Variants in ADAMTS6 observed in about 807,000 individuals in gnomAD.
The protein encoded by ADAMTS6 is ADAM metallopeptidase with thrombospondin type 1 motif 6.
Under a neutral mutation model 144.3 loss-of-function variants are expected in ADAMTS6, and 23 were observed. The observed-to-expected ratio is 0.16, with a 90% CI of 0.11 to 0.23. The LOEUF is 0.23. Ranked by LOEUF, ADAMTS6 falls within the 10% of genes least tolerant of loss-of-function variation. The pLI is 1.00. For missense variants in ADAMTS6, 999 were observed against 1,379.6 expected (o/e 0.72, Z 4.37); for synonymous variants, 444 against 457.5 (o/e 0.97, Z 0.38).
chr5:65,317,967 C>T (rs1745174511), intron 9 of ADAMTS6, among the ~76,000 whole-genome samples: 2 of 149,706 alleles, frequency 1.3e-5, no homozygotes, highest in Admixed American at 1.3e-4. Context: ...CCCAGCTACT[C>T]AGGAGGCTGA....
intron 7 of ADAMTS6, among the ~76,000 whole-genome samples, chr5:65,370,508 G>A (rs891991745): frequency 6.6e-6 from 1 of 152,202 alleles, no homozygotes; most frequent in Non-Finnish European, 1.5e-5. Flanking sequence ...CAAAGAAAGG[G>A]GTGACAGATG....
intron 9 of ADAMTS6, among the ~76,000 whole-genome samples, chr5:65,318,100 T>C (rs912328940): frequency 2.8e-5 from 4 of 145,342 alleles, no homozygotes; most frequent in African/African-American, 7.6e-5. Flanking sequence ...AAAGAAGATA[T>C]ACAAATGGCA....
intron 18 of ADAMTS6, among the ~76,000 whole-genome samples, chr5:65,223,861 A>G (rs1757512243): frequency 6.7e-6 from 1 of 149,262 alleles, no homozygotes; most frequent in South Asian, 2.1e-4. Context: ...GTGCAGTGGC[A>G]GGATCTCCAC....
At chr5:65,318,790 T>C (rs1745261764) in intron 9 of ADAMTS6, among the ~76,000 whole-genome samples, 1 of 152,038 alleles carries the variant, frequency 6.6e-6, no homozygotes, top group Non-Finnish European at 1.5e-5. Flanking sequence ...ACCAAAAAAA[T>C]AGAATGAACA....
chr5:65,452,566 C>G, intron 5 of ADAMTS6, 141 bp downstream of exon 5: 2 of 751,090 alleles, frequency 2.7e-6, no homozygotes, highest in Non-Finnish European at 4.1e-6. Context: ...TTTTATGGAA[C>G]TGAAACATTA....
At chr5:65,155,008 C>T (rs1034736121) in intron 24 of ADAMTS6, among the ~76,000 whole-genome samples, 1 of 152,110 alleles carries the variant, frequency 6.6e-6, no homozygotes, top group Non-Finnish European at 1.5e-5. Context: ...GATTCCTAGG[C>T]TGTATGGAAG....
chr5:65,282,573 G>A (rs1227419129), intron 11 of ADAMTS6, among the ~76,000 whole-genome samples: 1 of 152,040 alleles, frequency 6.6e-6, no homozygotes, highest in Non-Finnish European at 1.5e-5. Context: ...CAGCTCTACA[G>A]GGCCGCTTCA....
At chr5:65,223,361 T>G (rs1373665133) in intron 18 of ADAMTS6, among the ~76,000 whole-genome samples, 1 of 152,220 alleles carries the variant, frequency 6.6e-6, no homozygotes, top group Non-Finnish European at 1.5e-5. Flanking sequence ...AGATCTATTC[T>G]CTTAACAAAT....
At chr5:65,381,361 A>G (rs895808601) in intron 7 of ADAMTS6, among the ~76,000 whole-genome samples, 23 of 149,626 alleles carry the variant, frequency 1.5e-4, no homozygotes, top group African/African-American at 5.2e-4. Context: ...ATGAAGGATT[A>G]TATCTTTTTT....
chr5:65,346,521 A>G (rs1455008642), intron 7 of ADAMTS6, among the ~76,000 whole-genome samples: 1 of 151,888 alleles, frequency 6.6e-6, no homozygotes. Context: ...AGCTAACATC[A>G]TACTGAATAA....
intron 11 of ADAMTS6, among the ~76,000 whole-genome samples, chr5:65,289,329 G>A (rs1456518819): frequency 6.6e-6 from 1 of 152,208 alleles, no homozygotes; most frequent in African/African-American, 2.4e-5. Flanking sequence ...GAGGTCAGGA[G>A]TTCAAGACCA....
At chr5:65,411,833 C>G (rs946076210) in intron 7 of ADAMTS6, among the ~76,000 whole-genome samples, 1 of 152,140 alleles carries the variant, frequency 6.6e-6, no homozygotes, top group Non-Finnish European at 1.5e-5. Context: ...AACTAAACTT[C>G]TAGAGTGCTC....
Position 65,172,847 on chromosome 5 carries a change from T to G in ADAMTS6, c.3072A>C (p.Thr1024=), listed in dbSNP as rs755458554. ...AACGCCTTACCTGGCCCCAGTCTCC[T>G]GTGACCCAGCGAGGAGGAGGGCAGC... ...LGRCPPPRWV[T]GDWGQCSAQC... is the part of the protein sequence containing the mutation. Residue 1024 remains threonine, a synonymous_variant, in exon 23 of 25, where the codon ACA becomes ACC. Transcript: ENST00000381055. 2 of 1,614,040 alleles carry G rather than the reference T, an allele frequency of 1.2e-6. No homozygotes were observed.
At chr5:65,239,547 T>A (rs1395751466) in intron 15 of ADAMTS6, among the ~76,000 whole-genome samples, 1 of 152,052 alleles carries the variant, frequency 6.6e-6, no homozygotes, top group Non-Finnish European at 1.5e-5. Flanking sequence ...AAAAATTATT[T>A]AAAAATTGGA....
At chr5:65,480,295 G>A (rs889738934) in intron 1 of ADAMTS6, among the ~76,000 whole-genome samples, 3 of 151,886 alleles carry the variant, frequency 2.0e-5, no homozygotes, top group African/African-American at 7.3e-5. Context: ...TTTTCTCTCT[G>A]CTCTGCACAC....
In ADAMTS6 at chr5:65,427,655, G is replaced by A. The variant is rs150780184; in HGVS notation, c.1073+23820C>T. Among the ~76,000 whole-genome samples the A allele has an allele frequency of 6.2e-3, 935 of 151,890 alleles. 16 individuals are homozygous for A. The highest frequency in any genetic ancestry group is 0.019 in the African/African-American group (803 of 41,468). ...CTACTAAAAATACAAAAAATAAGCCGGGCGTGGTGGCGGGTGCCTGTAGTC... is the reference window on the plus strand; with the variant it reads ...CTACTAAAAATACAAAAAATAAGCCAGGCGTGGTGGCGGGTGCCTGTAGTC... On this transcript the variant is annotated intron_variant, in intron 7 of 24. Transcript: ENST00000381055.
At chr5:65,302,341 TATA>T (rs1346558122) in intron 9 of ADAMTS6, among the ~76,000 whole-genome samples, 7 of 145,690 alleles carry the variant, frequency 4.8e-5, no homozygotes, top group South Asian at 4.2e-4. Flanking sequence ...ATTATATACA[TATA>T]ATATGTGTAT....
chr5:65,371,997 C>G (rs1229094950), intron 7 of ADAMTS6, among the ~76,000 whole-genome samples: 1 of 151,888 alleles, frequency 6.6e-6, no homozygotes, highest in Non-Finnish European at 1.5e-5. Context: ...AATTTTCAAC[C>G]CCGAATTTCA....
chr5:65,258,441 A>G (rs1423706009), intron 14 of ADAMTS6, among the ~76,000 whole-genome samples: 1 of 152,234 alleles, frequency 6.6e-6, no homozygotes, highest in African/African-American at 2.4e-5. Context: ...CAGATTGTGT[A>G]GACCTTGCAG....
Sources: allele counts gnomAD v4.1 joint callset (sites outside exome capture counted in the v4.1 genomes callset), GRCh38; gene constraint gnomAD v4.1.1; transcripts MANE v1.5; gene names NCBI Gene and HGNC (gene_info 2026-07-23, HGNC 2026-07-21).